The following FBXO42 variants were observed in gnomAD, a reference collection of about 807,000 sequenced individuals.
The protein encoded by FBXO42 is F-box only protein 42.
A neutral mutation model predicts 71.7 loss-of-function variants in FBXO42; 12 were observed. That is an observed-to-expected ratio of 0.17 (90% CI 0.11 to 0.27). The LOEUF (loss-of-function observed/expected upper bound fraction) is 0.27. FBXO42 is among the 10% of genes least tolerant of loss of function. The pLI is 1.00. For missense variants in FBXO42, 707 were observed against 911.9 expected, an observed-to-expected ratio of 0.78 and a Z score of 2.89; for synonymous variants, 325 against 327.5, an observed-to-expected ratio of 0.99 and a Z score of 0.08.
intron 4 of FBXO42, among the ~76,000 whole-genome samples, chr1:16,270,953 A>G (rs1005950936): frequency 1.3e-5 from 2 of 151,948 alleles, no homozygotes; most frequent in East Asian, 1.9e-4. Flanking sequence ...GGAAAAAAAA[A>G]ACAAAACAAG....
chr1:16,305,693 G>T (rs61769833), intron 3 of FBXO42, 110 bp downstream of exon 3: 9 of 893,050 alleles, frequency 1.0e-5, no homozygotes, highest in Non-Finnish European at 1.7e-5. Flanking sequence ...CAGCTTGGGT[G>T]ATAGAGTGAG....
intron 1 of FBXO42, among the ~76,000 whole-genome samples, chr1:16,315,870 T>C (rs1291370251): frequency 6.6e-6 from 1 of 152,084 alleles, no homozygotes; most frequent in Non-Finnish European, 1.5e-5. Flanking sequence ...GAATATGGGT[T>C]AAGAAATAAC....
intron 1 of FBXO42, among the ~76,000 whole-genome samples, chr1:16,341,488 T>C (rs952545574): frequency 1.3e-5 from 2 of 151,562 alleles, no homozygotes; most frequent in Non-Finnish European, 2.9e-5. Flanking sequence ...TAATCCCAGC[T>C]ACTCAGGAGG....
intron 4 of FBXO42, among the ~76,000 whole-genome samples, chr1:16,265,299 C>G (rs1401652391): frequency 6.6e-6 from 1 of 152,116 alleles, no homozygotes; most frequent in African/African-American, 2.4e-5. Flanking sequence ...CCATGTTGGT[C>G]AGGCTGGTCT....
chr1:16,336,500 G>A (rs1170010145), intron 1 of FBXO42, among the ~76,000 whole-genome samples: 1 of 151,640 alleles, frequency 6.6e-6, no homozygotes, highest in East Asian at 2.0e-4. Flanking sequence ...TGGGATTACA[G>A]GCAGACACCA....
rs1019004029 is a variant in FBXO42, at chr1:16,343,973, C to A, written c.-18+8282G>T. ...ATGGCAAAAAAAAAAAAAACAACAACAAAAAAAGAAAACTGCAAAGGGATC... is the reference window on the plus strand; with the variant it reads ...ATGGCAAAAAAAAAAAAAACAACAAAAAAAAAAGAAAACTGCAAAGGGATC... On this transcript the variant is annotated intron_variant, in intron 1 of 9. Transcript: ENST00000375592. Among the ~76,000 whole-genome samples, 774 of 148,848 alleles carry A rather than the reference C, an allele frequency of 5.2e-3. 8 individuals carry two copies. Among genetic ancestry groups the A allele is most frequent in the African/African-American group, 0.018 (735 of 40,586 alleles).
chr1:16,313,302 A>AAGAAAGAG (rs1367505517), intron 2 of FBXO42, among the ~76,000 whole-genome samples: 1 of 149,598 alleles, frequency 6.7e-6, no homozygotes, highest in African/African-American at 2.5e-5. Context: ...AAGAGAGAGA[A>AAGAAAGAG]AGAAAGAAAG....
chr1:16,348,807 A>C (rs1421028422), intron 1 of FBXO42, among the ~76,000 whole-genome samples: 1 of 152,234 alleles, frequency 6.6e-6, no homozygotes, highest in Non-Finnish European at 1.5e-5. Flanking sequence ...GTTGGGAAAA[A>C]GGAGACAGTA....
chr1:16,342,735 T>A (rs899546604), intron 1 of FBXO42, among the ~76,000 whole-genome samples: 2 of 152,114 alleles, frequency 1.3e-5, no homozygotes, highest in Non-Finnish European at 2.9e-5. Context: ...GGAAATTTGA[T>A]CCCCAATGTG....
rs1400311507 is a variant in FBXO42, at chr1:16,251,152, G to A, written c.1672C>T (p.Arg558Trp). ...ATCGCTTTGATGGCTTCCAGACTCC[G>A]ACGCAGGGCACCTGGGGAGACGGCC... ...AGAVSPGALR[R>W]SLEAIKAMSS... The change falls in exon 10 of 10, where the codon CGG (arginine) becomes TGG (tryptophan). Residue 558 changes from arginine to tryptophan, a missense_variant. Around this residue, in one of 5 missense-constraint regions of FBXO42, gnomAD observed 482 missense variants for 587.1 expected, o/e 0.82. Transcript: ENST00000375592. The surrounding 1 kb of genome is among the most constrained non-coding windows in gnomAD (Gnocchi z 4.5). 5 of 1,614,168 alleles carry A rather than the reference G, an allele frequency of 3.1e-6. No individual in the cohort carries two copies. The highest frequency in any genetic ancestry group is 4.2e-6 in the Non-Finnish European group (5 of 1,180,050).
rs1557597860 is a variant in FBXO42 at position 16,313,319 on chromosome 1, GA to G, written c.250+1849del. Among the ~76,000 whole-genome samples, 756 of 104,904 alleles carry G rather than the reference GA, an allele frequency of 7.2e-3. 9 individuals are homozygous for G. Among genetic ancestry groups the G allele is most frequent in the African/African-American group, 0.034 (723 of 21,492 alleles). 68.8% of individuals were successfully genotyped at this position (104,904 alleles called of 152,430 possible). A position where few individuals can be genotyped will look rare whatever the true frequency, so the allele number is the denominator to read the frequency against. On this transcript the variant is annotated intron_variant, in intron 2 of 9. Coordinates refer to ENST00000375592, the MANE Select transcript of FBXO42 (RefSeq NM_018994.3). ...GAGAGAGAAAGAAAGAAAGAGAAAA[GA>G]AAACAAAGAAAGAAAGAAAGAAAGA... is the stretch of plus-strand genomic sequence containing the variant.
At chr1:16,253,607 C>A (rs747452132) in intron 7 of FBXO42, 28 bp downstream of exon 7, 33 of 1,607,228 alleles carry the variant, frequency 2.1e-5, no homozygotes, top group Non-Finnish European at 2.6e-5. Context: ...ACAGTGTTTG[C>A]TGAATAGTTA....
intron 2 of FBXO42, among the ~76,000 whole-genome samples, chr1:16,309,058 T>C (rs1363346423): frequency 8.7e-4 from 2 of 2,296 alleles, no homozygotes; most frequent in African/African-American, 1.7e-3. Context: ...ACCCCATCTC[T>C]TTTTTTTTTT....
At chr1:16,285,656 G>A (rs925362547) in intron 4 of FBXO42, among the ~76,000 whole-genome samples, 11 of 152,100 alleles carry the variant, frequency 7.2e-5, no homozygotes, top group Non-Finnish European at 1.0e-4. Context: ...AAATTTAAGG[G>A]TAATTCTCAG....
intron 4 of FBXO42, among the ~76,000 whole-genome samples, chr1:16,269,246 C>G (rs1041293726): frequency 6.6e-6 from 1 of 151,018 alleles, no homozygotes; most frequent in East Asian, 2.0e-4. Context: ...TGATATCATA[C>G]CCGCCTAATT....
intron 1 of FBXO42, among the ~76,000 whole-genome samples, chr1:16,333,700 G>A (rs2082524314): frequency 6.6e-6 from 1 of 152,158 alleles, no homozygotes; most frequent in African/African-American, 2.4e-5. Flanking sequence ...ATGCAAAAAT[G>A]CACAGCCACG....
Position 16,315,412 on chromosome 1 carries a change from T to C in FBXO42, c.7A>G (p.Ser3Gly). ...CTGTCATCTTCACTGTCCGAGGAGCTGGCCATGACATTCCACTCAACAGCT... is the reference window on the plus strand; with the variant it reads ...CTGTCATCTTCACTGTCCGAGGAGCCGGCCATGACATTCCACTCAACAGCT... MA[S>G]SSDSEDDSFM... Residue 3 changes from serine to glycine, a missense_variant, in exon 2 of 10, where the codon AGC becomes GGC. Physicochemically the swap from Ser to Gly is moderately conservative, Grantham distance 56 (BLOSUM62 0). Around this residue, in one of 5 missense-constraint regions of FBXO42, gnomAD observed 188 missense variants for 230.5 expected, o/e 0.82. Coordinates refer to ENST00000375592, the MANE Select transcript of FBXO42 (RefSeq NM_018994.3). 2 of 1,613,938 alleles carry C rather than the reference T, an allele frequency of 1.2e-6. No individual in the cohort carries two copies. Among genetic ancestry groups the C allele is most frequent in the Non-Finnish European group, 1.7e-6 (2 of 1,179,896 alleles).
chr1:16,298,392 T>C (rs2082154709), intron 3 of FBXO42, among the ~76,000 whole-genome samples: 1 of 152,176 alleles, frequency 6.6e-6, no homozygotes, highest in South Asian at 2.1e-4. Flanking sequence ...CTAGTAATCC[T>C]AAAAAATGGG....
At chr1:16,302,142 A>G (rs903913795) in intron 3 of FBXO42, among the ~76,000 whole-genome samples, 1 of 152,198 alleles carries the variant, frequency 6.6e-6, no homozygotes, top group Non-Finnish European at 1.5e-5. Flanking sequence ...GAGAGGAAGA[A>G]AAGAGCTTAA....
Sources: gnomAD v4.1 joint callset for allele counts (sites outside exome capture counted in the v4.1 genomes callset) on GRCh38, gnomAD v4.1.1 for gene constraint, gnomAD v4.1.1 regional missense constraint, Gnocchi (gnomAD v3.1) non-coding constraint, MANE v1.5 for transcripts, NCBI Gene and HGNC (gene_info 2026-07-23, HGNC 2026-07-21) for gene names.